XYLB: variants seen among roughly 807,000 people sequenced by gnomAD.
The protein encoded by XYLB is xylulose kinase.
In XYLB, 62 loss-of-function variants were observed where a neutral mutation model predicts 78.7. The observed-to-expected ratio is 0.79, with a 90% CI of 0.64 to 0.97. The LOEUF (loss-of-function observed/expected upper bound fraction) is 0.97. Ranked by LOEUF, XYLB falls within the 50% of genes least tolerant of loss-of-function variation. The pLI is 0.00. For synonymous variants in XYLB, 245 were observed against 247.4 expected (o/e 0.99, Z 0.09); for missense variants, 687 against 676.8 (o/e 1.02, Z -0.17).
At chr3:38,434,599 C>A in the XYLB span, among the ~76,000 whole-genome samples, 1 of 152,176 alleles carries the variant, frequency 6.6e-6, no homozygotes, top group Non-Finnish European at 1.5e-5. Flanking sequence ...AAAAGGACAA[C>A]ATTTACCATC....
At chr3:38,382,869 A>C (rs914692143) in intron 15 of XYLB, among the ~76,000 whole-genome samples, 58 of 152,226 alleles carry the variant, frequency 3.8e-4, no homozygotes, top group African/African-American at 1.3e-3. Flanking sequence ...AGCAAGCTTA[A>C]ATGCAGAATC....
chr3:38,367,618 A>C (rs1017168410), intron 7 of XYLB, among the ~76,000 whole-genome samples: 6 of 152,200 alleles, frequency 3.9e-5, no homozygotes, highest in Admixed American at 6.5e-5. Context: ...AGAGGACAGG[A>C]GGTGATAACA....
chr3:38,432,377 G>T, the XYLB span, among the ~76,000 whole-genome samples: 47 of 151,708 alleles, frequency 3.1e-4, no homozygotes, highest in Non-Finnish European at 6.3e-4. Context: ...GACCATCCTG[G>T]TCAACATGGT....
At chr3:38,363,040 C>T (rs1275500961) in intron 4 of XYLB, 23 bp downstream of exon 4, 1 of 1,520,460 alleles carries the variant, frequency 6.6e-7, no homozygotes, top group South Asian at 1.3e-5. Flanking sequence ...CAGACTCTGT[C>T]TGCCATGTGA....
intron 2 of XYLB, among the ~76,000 whole-genome samples, chr3:38,354,070 G>C (rs1449053609): frequency 1.3e-5 from 2 of 151,732 alleles, no homozygotes; most frequent in Non-Finnish European, 2.9e-5. Context: ...TAATATGTTT[G>C]TTTGTTTGTT....
At chr3:38,384,771 T>C (rs1408084035) in intron 15 of XYLB, among the ~76,000 whole-genome samples, 1 of 152,118 alleles carries the variant, frequency 6.6e-6, no homozygotes, top group Non-Finnish European at 1.5e-5. Flanking sequence ...ATTGAAGAAG[T>C]TTTGATTTAC....
At chr3:38,445,440 G>A in the XYLB span, among the ~76,000 whole-genome samples, 1 of 152,108 alleles carries the variant, frequency 6.6e-6, no homozygotes, top group Non-Finnish European at 1.5e-5. Context: ...CCAGAAACAG[G>A]GAGTGCTTTC....
intron 14 of XYLB, 68 bp from the exon 15 acceptor site, chr3:38,379,178 C>A: frequency 6.8e-7 from 1 of 1,477,240 alleles, no homozygotes; most frequent in South Asian, 1.1e-5. Flanking sequence ...CACACACAGA[C>A]ACACACATAC....
chr3:38,407,961 A>T (rs1708399344), intron 18 of XYLB, among the ~76,000 whole-genome samples: 2 of 152,148 alleles, frequency 1.3e-5, no homozygotes, highest in African/African-American at 4.8e-5. Flanking sequence ...CACTGTCAAC[A>T]TTAGACAGAA....
chr3:38,439,990 T>C, the XYLB span, among the ~76,000 whole-genome samples: 2 of 152,086 alleles, frequency 1.3e-5, no homozygotes, highest in African/African-American at 4.8e-5. Context: ...TAAGGATAGA[T>C]TTTGTTATTT....
chr3:38,374,427 C>G (rs201092244), intron 10 of XYLB, 35 bp from the exon 11 acceptor site: 3 of 1,613,818 alleles, frequency 1.9e-6, no homozygotes, highest in South Asian at 2.2e-5. Flanking sequence ...CCCATGTGGC[C>G]GCCAGCTAAC....
chr3:38,421,666 G>T (rs1016049422), downstream of XYLB, among the ~76,000 whole-genome samples: 1 of 152,172 alleles, frequency 6.6e-6, no homozygotes, highest in Non-Finnish European at 1.5e-5. Flanking sequence ...TTCCACCTTG[G>T]AGCCTTTCCA....
chr3:38,408,832 C>T (rs1346335197), intron 18 of XYLB, among the ~76,000 whole-genome samples: 3 of 152,120 alleles, frequency 2.0e-5, no homozygotes, highest in East Asian at 3.8e-4. Flanking sequence ...CAAGACTAAA[C>T]CAGGAAGAAG....
At chr3:38,429,702 C>T in the XYLB span, among the ~76,000 whole-genome samples, 3 of 152,300 alleles carry the variant, frequency 2.0e-5, no homozygotes, top group South Asian at 4.1e-4. Flanking sequence ...GCTATCCCTC[C>T]CCCAGGCCCC....
chr3:38,356,488 C>CT (rs1559573588), intron 2 of XYLB: 2 of 152,204 alleles, frequency 1.3e-5, no homozygotes, highest in African/African-American at 4.8e-5. Context: ...AATCAACTCT[C>CT]TATCTCTGGA....
Position 38,362,920 on chromosome 3 carries a change from T to A in XYLB, c.211-17T>A. The A allele has an allele frequency of 1.3e-6, 2 of 1,555,880 alleles. No homozygotes were observed. Among genetic ancestry groups the A allele is most frequent in the Non-Finnish European group, 1.7e-6 (2 of 1,150,116 alleles). ...GTGGTTCTGTACAGTCATGGTGGGT[T>A]CTGTTTTTCTTCTTAGGCACTGGAT... On this transcript the variant is annotated splice_polypyrimidine_tract_variant and intron_variant, in intron 3 of 18. Coordinates refer to ENST00000207870, the MANE Select transcript of XYLB (RefSeq NM_005108.4).
chr3:38,374,957 G>A (rs1462485716), intron 11 of XYLB, among the ~76,000 whole-genome samples, 187 bp from the exon 12 acceptor site: 2 of 152,220 alleles, frequency 1.3e-5, no homozygotes, highest in Admixed American at 1.3e-4. Flanking sequence ...TGCATCTGGG[G>A]AGCTAACTCC....
chr3:38,376,785 G>T, intron 13 of XYLB, 133 bp from the exon 14 acceptor site: 1 of 660,236 alleles, frequency 1.5e-6, no homozygotes, highest in Non-Finnish European at 2.6e-6. Flanking sequence ...ATATTCACAG[G>T]TCTCATCTGG....
intron 15 of XYLB, among the ~76,000 whole-genome samples, chr3:38,386,847 T>G (rs1180792930): frequency 6.6e-6 from 1 of 152,212 alleles, no homozygotes; most frequent in Non-Finnish European, 1.5e-5. Flanking sequence ...TAAGTTTTAC[T>G]TTGTCTGAAA....
Sources: allele counts gnomAD v4.1 joint callset (sites outside exome capture counted in the v4.1 genomes callset), GRCh38; gene constraint gnomAD v4.1.1; transcripts MANE v1.5; gene names NCBI Gene and HGNC (gene_info 2026-07-23, HGNC 2026-07-21).